FOXP2: variants seen among roughly 807,000 people sequenced by gnomAD.
FOXP2 encodes forkhead box protein P2.
Under a neutral mutation model 115.8 loss-of-function variants are expected in FOXP2, and 12 were observed. The observed-to-expected ratio is 0.10, with a 90% CI of 0.07 to 0.17. FOXP2 has a LOEUF of 0.17. Ranked by LOEUF, FOXP2 falls within the 10% of genes least tolerant of loss-of-function variation. The probability of loss-of-function intolerance (pLI) is 1.00; values close to 1 mark genes in which losing one functional copy is unlikely to be tolerated. For missense variants in FOXP2, 629 were observed against 843.5 expected (o/e 0.75, Z 3.15); for synonymous variants, 328 against 297.7 (o/e 1.10, Z -1.05).
chr7:114,492,316 G>T (rs920884566), intron 2 of FOXP2, among the ~76,000 whole-genome samples: 1 of 151,588 alleles, frequency 6.6e-6, no homozygotes, highest in African/African-American at 2.4e-5. Context: ...TTCTTTATTA[G>T]TCTCGCTAGC....
Position 114,691,261 on chromosome 7 carries a change from GT to G in FOXP2, c.*1337del. The G allele has an allele frequency of 2.2e-6, 1 of 451,810 alleles. No individual in the cohort carries two copies. The highest frequency in any genetic ancestry group is 4.4e-6 in the Non-Finnish European group (1 of 226,268). The allele number at this position is 451,810 out of a possible 1,614,324, so 28.0% of individuals were successfully genotyped here. A position where few individuals can be genotyped will look rare whatever the true frequency, so the allele number is the denominator to read the frequency against. On this transcript the variant is annotated 3_prime_UTR_variant, in exon 17 of 17. Coordinates refer to ENST00000350908, the MANE Select transcript of FOXP2 (RefSeq NM_014491.4). The stretch of plus-strand genomic sequence containing the variant: ...GTGTACTATTTTTTTATAGTCTTAA[GT>G]TATAATGAAAAAACAAAAAGTAGGA...
At chr7:114,547,834 A>G (rs1351729311) in intron 3 of FOXP2, among the ~76,000 whole-genome samples, 1 of 152,222 alleles carries the variant, frequency 6.6e-6, no homozygotes. Flanking sequence ...TATACTTCCT[A>G]CATGATTTAT....
chr7:114,625,596 T>C (rs987753909), intron 3 of FOXP2, among the ~76,000 whole-genome samples: 5 of 151,706 alleles, frequency 3.3e-5, no homozygotes. Flanking sequence ...TAGCTTGTGG[T>C]AGCAAGTAAA....
intron 3 of FOXP2, among the ~76,000 whole-genome samples, chr7:114,592,268 G>A (rs1802477264): frequency 6.6e-6 from 1 of 151,974 alleles, no homozygotes; most frequent in Admixed American, 6.6e-5. Context: ...ATATTCATAT[G>A]TAGTATTCTT....
chr7:114,555,690 G>A (rs569696589), intron 3 of FOXP2, among the ~76,000 whole-genome samples: 4 of 152,104 alleles, frequency 2.6e-5, no homozygotes, highest in Admixed American at 6.5e-5. Flanking sequence ...CCAGCTACAC[G>A]GGAGGCTGAG....
At chr7:114,246,904 T>C (rs1210425828) in intron 1 of FOXP2, among the ~76,000 whole-genome samples, 1 of 152,184 alleles carries the variant, frequency 6.6e-6, no homozygotes, top group Non-Finnish European at 1.5e-5. Context: ...AAGTCTTATT[T>C]TTTAAAAAAA....
At chr7:114,641,570 C>CAGAT (rs1483043413) in intron 6 of FOXP2, among the ~76,000 whole-genome samples, 2 of 151,938 alleles carry the variant, frequency 1.3e-5, no homozygotes, top group Non-Finnish European at 2.9e-5. Context: ...TCAAAATGAA[C>CAGAT]AGATAATTGT....
At chr7:114,390,333 A>T (rs1042954038) in intron 2 of FOXP2, among the ~76,000 whole-genome samples, 2 of 152,040 alleles carry the variant, frequency 1.3e-5, no homozygotes, top group Non-Finnish European at 2.9e-5. Flanking sequence ...CTACAGAGTA[A>T]ACTGGTGCTC....
intron 2 of FOXP2, among the ~76,000 whole-genome samples, chr7:114,481,430 A>C (rs1178264336): frequency 2.0e-5 from 3 of 151,396 alleles, no homozygotes; most frequent in Admixed American, 6.6e-5. Flanking sequence ...TTTAAGAAAT[A>C]ATAAGGATCA....
At chr7:114,329,822 A>G (rs1183616421) in intron 2 of FOXP2, among the ~76,000 whole-genome samples, 1 of 151,804 alleles carries the variant, frequency 6.6e-6, no homozygotes, top group African/African-American at 2.4e-5. Flanking sequence ...GATTACAGGC[A>G]CGTGCCACCA....
At chr7:114,280,507 A>G (rs1796306395) in intron 1 of FOXP2, among the ~76,000 whole-genome samples, 1 of 152,104 alleles carries the variant, frequency 6.6e-6, no homozygotes, top group South Asian at 2.1e-4. Context: ...TGTGACTTTA[A>G]TAGCTCTCAT....
intron 1 of FOXP2, among the ~76,000 whole-genome samples, chr7:114,192,565 T>G (rs879666822): frequency 6.6e-6 from 1 of 152,228 alleles, no homozygotes; most frequent in Non-Finnish European, 1.5e-5. Flanking sequence ...TCAAATTGTC[T>G]TCCAAAGTGG....
At position 114,168,716 on chromosome 7, in the gene FOXP2, A is replaced by G. The variant is rs918236468; in HGVS notation, c.-102+5628A>G. On this transcript the variant is annotated intron_variant, in intron 1 of 17. Transcript: ENST00000634411. ...ATAATGAGCTGAATGTGAATCCTCA[A>G]GACAATGGGGAAAACGTCTCTGTGG... Among the ~76,000 whole-genome samples, 10 of 152,328 alleles carry G rather than the reference A, an allele frequency of 6.6e-5. No individual in the cohort carries two copies. In the East Asian group the frequency reaches 1.9e-3, roughly 29 times the overall value.
Position 114,119,689 on chromosome 7 carries a change from C to T in FOXP2, c.-247+31851C>T, listed in dbSNP as rs560244827. Among the ~76,000 whole-genome samples, 49 of 152,236 alleles carry T rather than the reference C, an allele frequency of 3.2e-4. 1 individual carries two copies. The South Asian group carries it at 8.5e-3, about 26-fold the overall frequency. On this transcript the variant is annotated intron_variant, in intron 1 of 19. Transcript: ENST00000635638. ...TTGCACCACTGCACTTTGGCCTGGA[C>T]CACACAGCAAGACCTTGTCTCAAAA... is the stretch of plus-strand genomic sequence containing the variant.
chr7:114,501,769 A>G (rs1309345671), intron 2 of FOXP2, among the ~76,000 whole-genome samples: 1 of 152,124 alleles, frequency 6.6e-6, no homozygotes, highest in Non-Finnish European at 1.5e-5. Flanking sequence ...CATGTGATTA[A>G]AACGGTGAAA....
chr7:114,680,621 A>C (rs1002003285), intron 16 of FOXP2, among the ~76,000 whole-genome samples: 1 of 151,966 alleles, frequency 6.6e-6, no homozygotes, highest in Non-Finnish European at 1.5e-5. Context: ...GCCTTAAGCT[A>C]TGTTAAAAAT....
At chr7:114,152,468 T>C (rs2244419) in intron 1 of FOXP2, among the ~76,000 whole-genome samples, 131,348 of 152,178 alleles carry the variant, frequency 0.86, 57,114 homozygotes, top group Non-Finnish European at 0.92. Flanking sequence ...TGCAAATAAA[T>C]CTCTTTTACA....
At chr7:114,158,954 A>G (rs1792749580), upstream of FOXP2, among the ~76,000 whole-genome samples, 1 of 152,186 alleles carries the variant, frequency 6.6e-6, no homozygotes, top group Admixed American at 6.5e-5. Flanking sequence ...AAGAGAGTTA[A>G]GAATGAAGGA....
At chr7:114,114,293 A>T (rs1010260881) in intron 1 of FOXP2, among the ~76,000 whole-genome samples, 3 of 151,056 alleles carry the variant, frequency 2.0e-5, no homozygotes, top group Non-Finnish European at 4.4e-5. Flanking sequence ...ATATAAATAT[A>T]TATATAATAT....
Sources: allele counts gnomAD v4.1 joint callset (sites outside exome capture counted in the v4.1 genomes callset), GRCh38; gene constraint gnomAD v4.1.1; transcripts MANE v1.5; gene names NCBI Gene and HGNC (gene_info 2026-07-23, HGNC 2026-07-21).